Variants in SMARCC2 observed in about 807,000 individuals in gnomAD.
SMARCC2 encodes SWI/SNF related BAF chromatin remodeling complex subunit C2.
In SMARCC2, 15 loss-of-function variants were observed where a neutral mutation model predicts 151.3. That is an observed-to-expected ratio of 0.10 (90% CI 0.07 to 0.15). The LOEUF (loss-of-function observed/expected upper bound fraction) is 0.15. Among genes scored for constraint, SMARCC2 ranks in the 10% least tolerant of loss-of-function variants. SMARCC2 has a pLI of 1.00. For synonymous variants in SMARCC2, 590 were observed against 609.5 expected (o/e 0.97, Z 0.47); for missense variants, 1,031 against 1,599.7 (o/e 0.64, Z 6.06).
At chr12:56,165,824 A>G in intron 26 of SMARCC2, 125 bp from the exon 27 acceptor site, 1 of 948,884 alleles carries the variant, frequency 1.1e-6, no homozygotes, top group Non-Finnish European at 1.6e-6. Flanking sequence ...CAAAATCTAC[A>G]TCTTGTGCTT....
chr12:56,168,808 C>T (rs1038753641), intron 25 of SMARCC2, among the ~76,000 whole-genome samples: 1 of 152,058 alleles, frequency 6.6e-6, no homozygotes, highest in African/African-American at 2.4e-5. Context: ...GGTGAAACCC[C>T]ATCTCTGCTA....
In SMARCC2 at chr12:56,162,452, C is replaced by T; in HGVS notation, c.*1237G>A. On this transcript the variant is annotated 3_prime_UTR_variant, in exon 29 of 29. Coordinates refer to ENST00000550164, the MANE Select transcript of SMARCC2 (RefSeq NM_001330288.2). ...GAAAACTTTGAACAGAAGAAAGGTG[C>T]TAAGACGCAGAGGGAGAGAAACATG... is the stretch of plus-strand genomic sequence containing the variant. 1 of 602,372 alleles carries T rather than the reference C, an allele frequency of 1.7e-6. No homozygotes were observed. Among genetic ancestry groups the T allele is most frequent in the Non-Finnish European group, 2.9e-6 (1 of 344,408 alleles). The allele number at this position is 602,372 out of a possible 1,614,324, so 37.3% of individuals were successfully genotyped here. A position where few individuals can be genotyped will look rare whatever the true frequency, so the allele number is the denominator to read the frequency against.
intron 8 of SMARCC2, 26 bp from the exon 9 acceptor site, chr12:56,181,861 GCA>G: frequency 6.2e-7 from 1 of 1,613,976 alleles, no homozygotes; most frequent in Non-Finnish European, 8.5e-7. Context: ...AGATCATGCT[GCA>G]GAGAAGCCTG....
intron 16 of SMARCC2, 69 bp from the exon 17 acceptor site, chr12:56,173,918 G>C (rs997600463): frequency 5.4e-6 from 8 of 1,471,926 alleles, no homozygotes; most frequent in Admixed American, 1.9e-5. Flanking sequence ...GAGGAAAAGT[G>C]GGGGGTAGAA....
At chr12:56,176,661 G>A (rs977822138) in intron 15 of SMARCC2, among the ~76,000 whole-genome samples, 1 of 145,658 alleles carries the variant, frequency 6.9e-6, no homozygotes, top group African/African-American at 2.6e-5. Context: ...TTTTTTTTGA[G>A]ACGGAGTCTC....
intron 5 of SMARCC2, 57 bp downstream of exon 5, chr12:56,184,787 A>C (rs1876909102): frequency 9.3e-7 from 1 of 1,072,214 alleles, no homozygotes; most frequent in South Asian, 1.3e-5. Flanking sequence ...TTGGTATAGA[A>C]AACACTGGGA....
Position 56,181,771 on chromosome 12 carries a change from T to G in SMARCC2, c.773A>C (p.Glu258Ala). 1 of 1,614,190 alleles carries G rather than the reference T, an allele frequency of 6.2e-7. No homozygotes were observed. Among genetic ancestry groups the G allele is most frequent in the Non-Finnish European group, 8.5e-7 (1 of 1,180,012 alleles). Residue 258 changes from glutamate (E) to alanine (A), a missense_variant, in exon 9 of 29, where the codon GAA becomes GCA. By Grantham distance (107) the Glu-to-Ala change is moderately radical (BLOSUM62 -1). Transcript: ENST00000550164. Reference sequence around the variant, plus strand: ...GACAGGGTTTTTGTCATCATTTACTTCATAGTCTTCCTCATTCATCCATTC... The same window carrying G: ...GACAGGGTTTTTGTCATCATTTACTGCATAGTCTTCCTCATTCATCCATTC... The part of the protein sequence containing the change: ...FNEWMNEEDY[E>A]VNDDKNPVSR...
In SMARCC2 at chr12:56,163,511, T is replaced by G; in HGVS notation, c.*178A>C. The G allele has an allele frequency of 2.3e-6, 1 of 425,836 alleles. No individual in the cohort carries two copies. Among genetic ancestry groups the G allele is most frequent in the East Asian group, 3.6e-5 (1 of 27,398 alleles). The allele number at this position is 425,836 out of a possible 1,614,324, so 26.4% of individuals were successfully genotyped here. On this transcript the variant is annotated 3_prime_UTR_variant, in exon 29 of 29. Coordinates refer to ENST00000550164, the MANE Select transcript of SMARCC2 (RefSeq NM_001330288.2). ...TTTAAACAGAAGTCCTTGAATAATC[T>G]GATATAAAAATGCATGCCTCTGTTA...
Position 56,169,678 on chromosome 12 carries a change from TCTC to T in SMARCC2, c.2563_2565del (p.Glu855del). The stretch of plus-strand genomic sequence containing the variant: ...TCCTCCTGCCCTTCCTTTGGCTCCT[TCTC>T]CTTCTCAGGATCGACTGGGCCAGGA... On this transcript the variant is annotated inframe_deletion, in exon 25 of 29. Coordinates refer to ENST00000550164, the MANE Select transcript of SMARCC2 (RefSeq NM_001330288.2). The T allele has an allele frequency of 1.9e-6, 3 of 1,614,026 alleles. No individual in the cohort carries two copies. The highest frequency in any genetic ancestry group is 2.2e-5 in the East Asian group (1 of 44,848).
At chr12:56,178,873 G>A (rs367603562) in intron 12 of SMARCC2, 26 bp from the exon 13 acceptor site, 1 of 1,613,608 alleles carries the variant, frequency 6.2e-7, no homozygotes, top group South Asian at 1.1e-5. Flanking sequence ...CAAGATGTAA[G>A]GCTGGAGCCT....
intron 13 of SMARCC2, 79 bp from the exon 14 acceptor site, chr12:56,178,613 A>AT: frequency 6.3e-7 from 1 of 1,592,502 alleles, no homozygotes; most frequent in Non-Finnish European, 8.6e-7. Context: ...ACACCCCAGG[A>AT]ATGTGGACAC....
At position 56,171,412 on chromosome 12, in the gene SMARCC2, C is replaced by T. The variant is rs11539383; in HGVS notation, c.2206G>A (p.Glu736Lys). The T allele has an allele frequency of 1.2e-6, 2 of 1,614,130 alleles. No homozygotes were observed. Among genetic ancestry groups the T allele is most frequent in the African/African-American group, 2.7e-5 (2 of 74,936 alleles). ...SALEEFSKMK[E>K]EVPTALVEAH... Reference sequence around the variant, plus strand: ...TCCACCAAGGCCGTGGGTACCTCTTCCTTCATTTTGGAGAACTCCTCTGCA... The same window carrying T: ...TCCACCAAGGCCGTGGGTACCTCTTTCTTCATTTTGGAGAACTCCTCTGCA... The change falls in exon 22 of 29, where the codon GAA (glutamate) becomes AAA (lysine). Residue 736 changes from glutamate to lysine, a missense_variant. Physicochemically the swap from Glu to Lys is moderately conservative, Grantham distance 56. Transcript: ENST00000550164. The surrounding 1 kb of genome is among the most constrained non-coding windows in gnomAD (Gnocchi z 4.2).
chr12:56,180,875 G>T, intron 11 of SMARCC2, 102 bp downstream of exon 11: 1 of 1,218,500 alleles, frequency 8.2e-7, no homozygotes, highest in Non-Finnish European at 1.2e-6. Flanking sequence ...AGATCCTGTA[G>T]ACTGGGAGGT....
intron 27 of SMARCC2, 121 bp downstream of exon 27, chr12:56,165,197 C>T: frequency 2.4e-6 from 3 of 1,251,110 alleles, no homozygotes; most frequent in Admixed American, 2.7e-5. Context: ...GAGAGATGGG[C>T]CCATCTGTAG....
At position 56,164,613 on chromosome 12, in the gene SMARCC2, C is replaced by A. The variant is rs75924441; in HGVS notation, c.3351G>T (p.Pro1117=). ...NAPLGLPFGM[P]PPPPPPAPSI... ...ATGGAGCAGGAGGAGGAGGAGGAGG[C>A]GGCATGCCAAAAGGCAAACCCAAAG... is the stretch of plus-strand genomic sequence containing the variant. Residue 1117 remains proline, a synonymous_variant, in exon 28 of 29, where the codon CCG becomes CCT. Transcript: ENST00000550164. 3.4e-5 allele frequency: 55 copies of A among 1,613,230 alleles called. No homozygotes were observed. Among genetic ancestry groups the A allele is most frequent in the Non-Finnish European group, 4.6e-5 (54 of 1,179,696 alleles).
At position 56,186,137 on chromosome 12, in the gene SMARCC2, T is replaced by TA. The variant is rs780563273; in HGVS notation, c.317+17dup. 4.9e-5 allele frequency: 75 copies of TA among 1,526,332 alleles called. No individual in the cohort carries two copies. The highest frequency in any genetic ancestry group is 1.7e-4 in the Admixed American group (10 of 59,802). 94.5% of individuals were successfully genotyped at this position (1,526,332 alleles called of 1,614,324 possible). ...TCCTCTAAACTAAATATAAGAAGAA[T>TA]AGAGAGAATCATCTCACCATCCCTG... is the stretch of plus-strand genomic sequence containing the variant. On this transcript the variant is annotated intron_variant, in intron 3 of 28. Transcript: ENST00000550164.
At chr12:56,176,275 G>A (rs1874951036) in intron 15 of SMARCC2, among the ~76,000 whole-genome samples, 1 of 152,212 alleles carries the variant, frequency 6.6e-6, no homozygotes, top group South Asian at 2.1e-4. Flanking sequence ...TCTCCAGGAA[G>A]AGAAGGAAGA....
At chr12:56,181,187 CAG>C in intron 10 of SMARCC2, 86 bp from the exon 11 acceptor site, 3 of 1,370,464 alleles carry the variant, frequency 2.2e-6, no homozygotes, top group South Asian at 1.3e-5. Context: ...AGGGAAGTGA[CAG>C]AGAATTCCAA....
chr12:56,177,137 G>C (rs1461218426), intron 15 of SMARCC2, among the ~76,000 whole-genome samples: 2 of 151,426 alleles, frequency 1.3e-5, no homozygotes, highest in Non-Finnish European at 1.5e-5. Context: ...GTAGAGATGG[G>C]GTTTCATCAT....
Sources: allele counts gnomAD v4.1 joint callset (sites outside exome capture counted in the v4.1 genomes callset), GRCh38; gene constraint gnomAD v4.1.1; non-coding constraint Gnocchi (gnomAD v3.1); transcripts MANE v1.5; gene names NCBI Gene and HGNC (gene_info 2026-07-23, HGNC 2026-07-21).